The following COL11A1 variants were observed in gnomAD, a reference collection of about 807,000 sequenced individuals.
The protein encoded by COL11A1 is collagen type XI alpha 1 chain.
A neutral mutation model predicts 265.2 loss-of-function variants in COL11A1; 74 were observed. The ratio of observed to expected loss-of-function variants is 0.28; its 90% CI spans 0.23 to 0.34. The LOEUF (loss-of-function observed/expected upper bound fraction) is 0.34, where lower values mean the gene tolerates loss of function less well. Ranked by LOEUF, COL11A1 falls within the 10% of genes least tolerant of loss-of-function variation. COL11A1 has a pLI of 1.00. For missense variants in COL11A1, 2,165 were observed against 2,263.6 expected, an observed-to-expected ratio of 0.96 and a Z score of 0.88; for synonymous variants, 816 against 727.6, an observed-to-expected ratio of 1.12 and a Z score of -1.96.
intron 5 of COL11A1, among the ~76,000 whole-genome samples, chr1:103,029,072 G>T (rs1667781687): frequency 6.6e-6 from 1 of 151,986 alleles, no homozygotes; most frequent in African/African-American, 2.4e-5. Flanking sequence ...CATGGTGATG[G>T]TTGTAAAGTT....
At chr1:102,949,524 G>A (rs1271569798) in intron 41 of COL11A1, among the ~76,000 whole-genome samples, 3 of 152,106 alleles carry the variant, frequency 2.0e-5, no homozygotes, top group Non-Finnish European at 4.4e-5. Flanking sequence ...GAATGAAAAA[G>A]GGAGAATCAA....
chr1:102,999,353 G>T lies in COL11A1; in HGVS notation c.2143-990C>A, dbSNP rs1278659394. The stretch of plus-strand genomic sequence containing the variant: ...AGATTTTTTAACCAAATGTGGCAGC[G>T]TTGCAATCTGGATGAACTTAGGTTC... On this transcript the variant is annotated intron_variant, in intron 24 of 66. Transcript: ENST00000370096. Among the ~76,000 whole-genome samples, 5 of 152,020 alleles carry T rather than the reference G, an allele frequency of 3.3e-5. No individual in the cohort carries two copies. In the South Asian group the frequency reaches 1.0e-3, roughly 31 times the overall value.
intron 30 of COL11A1, among the ~76,000 whole-genome samples, chr1:102,987,169 T>A (rs1390886214): frequency 2.6e-5 from 4 of 151,996 alleles, no homozygotes; most frequent in Admixed American, 2.0e-4. Flanking sequence ...ACAAAAGAAG[T>A]GTTCATCTCA....
chr1:102,928,313 A>G (rs1656894010), intron 46 of COL11A1, among the ~76,000 whole-genome samples: 1 of 139,860 alleles, frequency 7.2e-6, no homozygotes, highest in South Asian at 2.3e-4. Context: ...ATGTGATCTC[A>G]TTGTTCAATT....
intron 26 of COL11A1, among the ~76,000 whole-genome samples, chr1:102,996,827 T>C (rs1195617533): frequency 3.3e-5 from 5 of 151,936 alleles, no homozygotes; most frequent in Admixed American, 1.3e-4. Flanking sequence ...GTTTATATTA[T>C]TATCATTTAC....
chr1:103,051,273 T>C (rs1281571271), intron 4 of COL11A1, among the ~76,000 whole-genome samples: 2 of 152,216 alleles, frequency 1.3e-5, no homozygotes, highest in Non-Finnish European at 2.9e-5. Flanking sequence ...CCTGGCCGCT[T>C]TGTTTACCTA....
At chr1:103,084,085 G>T (rs1057030598) in intron 1 of COL11A1, among the ~76,000 whole-genome samples, 7 of 152,020 alleles carry the variant, frequency 4.6e-5, no homozygotes, top group Non-Finnish European at 7.4e-5. Context: ...ATCTTTAATT[G>T]TGATCAATAC....
chr1:102,913,180 G>T (rs1312400785), intron 53 of COL11A1, among the ~76,000 whole-genome samples: 1 of 151,872 alleles, frequency 6.6e-6, no homozygotes, highest in Admixed American at 6.6e-5. Flanking sequence ...AACTAAATGT[G>T]GTCAAAGTAC....
intron 61 of COL11A1, 27 bp downstream of exon 61, chr1:102,888,696 T>C (rs770918141): frequency 1.4e-5 from 22 of 1,613,874 alleles, no homozygotes; most frequent in Non-Finnish European, 1.9e-5. Context: ...AATGCAAAAT[T>C]AAATTGTCAA....
intron 24 of COL11A1, chr1:103,001,485 TA>T (rs896962719): frequency 2.4e-6 from 1 of 424,426 alleles, no homozygotes; most frequent in African/African-American, 2.0e-5. Flanking sequence ...ATTGAGTTAT[TA>T]ACAAGAACAT....
At chr1:102,955,674 A>C (rs1660304646) in intron 41 of COL11A1, among the ~76,000 whole-genome samples, 1 of 152,204 alleles carries the variant, frequency 6.6e-6, no homozygotes, top group African/African-American at 2.4e-5. Context: ...TATTTTCCCT[A>C]AATATTATTT....
chr1:103,017,842 G>T lies in COL11A1; in HGVS notation c.1391C>A (p.Pro464His), dbSNP rs1193227657. ...GPPGLQGPTG[P>H]PGDPGDRGPP... ...TACCCTATCGCCAGGGTCACCAGGG[G>T]GTCCAGTGGGGCCTTGTAGACCTGG... The change falls in exon 11 of 67, where the codon CCC (proline) becomes CAC (histidine). Residue 464 changes from proline (P) to histidine (H), a missense_variant. By Grantham distance (77) the Pro-to-His change is moderately conservative (BLOSUM62 -2). Coordinates refer to ENST00000370096, the MANE Select transcript of COL11A1 (RefSeq NM_001854.4). 3.7e-6 allele frequency: 6 copies of T among 1,612,994 alleles called. No homozygotes were observed. The highest frequency in any genetic ancestry group is 5.1e-6 in the Non-Finnish European group (6 of 1,179,244).
At chr1:102,949,416 T>G (rs1266720988) in intron 41 of COL11A1, among the ~76,000 whole-genome samples, 1 of 150,276 alleles carries the variant, frequency 6.7e-6, no homozygotes, top group Non-Finnish European at 1.5e-5. Flanking sequence ...GGCCATAAAA[T>G]TTTTCTCTCT....
At chr1:103,008,653 C>T (rs1201844604) in intron 14 of COL11A1, 137 bp from the exon 15 acceptor site, 2 of 799,216 alleles carry the variant, frequency 2.5e-6, no homozygotes, top group Admixed American at 2.2e-5. Context: ...TTAATTAACA[C>T]AGTAAAATTT....
At chr1:103,067,721 G>C (rs1482095332) in intron 4 of COL11A1, among the ~76,000 whole-genome samples, 2 of 151,342 alleles carry the variant, frequency 1.3e-5, no homozygotes, top group Non-Finnish European at 3.0e-5. Flanking sequence ...TTATTGATCT[G>C]GGGGGAAAAT....
At chr1:103,066,996 G>A (rs879630146) in intron 4 of COL11A1, among the ~76,000 whole-genome samples, 11 of 151,786 alleles carry the variant, frequency 7.2e-5, no homozygotes, top group Admixed American at 6.6e-4. Context: ...AATGATAAAT[G>A]TGCACATGCC....
chr1:103,078,098 T>G (rs1020294079), intron 3 of COL11A1, among the ~76,000 whole-genome samples: 1 of 152,120 alleles, frequency 6.6e-6, no homozygotes, highest in African/African-American at 2.4e-5. Context: ...AGTAACTTCC[T>G]GTTTCTCTCA....
At chr1:103,091,170 G>A (rs1432678975) in intron 1 of COL11A1, among the ~76,000 whole-genome samples, 2 of 151,920 alleles carry the variant, frequency 1.3e-5, no homozygotes, top group Non-Finnish European at 2.9e-5. Context: ...AACACAGCGG[G>A]CCTCATCTAA....
intron 15 of COL11A1, among the ~76,000 whole-genome samples, chr1:103,008,151 G>GA (rs1017751196): frequency 6.6e-6 from 1 of 151,940 alleles, no homozygotes; most frequent in African/African-American, 2.4e-5. Flanking sequence ...CAAACTTTGG[G>GA]AAAAAATAAA....
Sources: allele counts gnomAD v4.1 joint callset (sites outside exome capture counted in the v4.1 genomes callset), GRCh38; gene constraint gnomAD v4.1.1; transcripts MANE v1.5; gene names NCBI Gene and HGNC (gene_info 2026-07-23, HGNC 2026-07-21).